Variants in MTREX observed in about 807,000 individuals in gnomAD.
MTREX encodes exosome RNA helicase MTR4.
Under a neutral mutation model 135.4 loss-of-function variants are expected in MTREX, and 76 were observed. The observed-to-expected ratio is 0.56, with a 90% confidence interval of 0.47 to 0.68. MTREX has a LOEUF of 0.68. Ranked by LOEUF, MTREX falls within the 30% of genes least tolerant of loss-of-function variation. MTREX has a pLI of 0.00. For missense variants in MTREX, 920 were observed against 1,262.1 expected, an observed-to-expected ratio of 0.73 and a Z score of 4.11; for synonymous variants, 404 against 401.6, an observed-to-expected ratio of 1.01 and a Z score of -0.07.
At chr5:55,330,933 G>A (rs1402696562) in intron 5 of MTREX, among the ~76,000 whole-genome samples, 1 of 151,410 alleles carries the variant, frequency 6.6e-6, no homozygotes, top group Non-Finnish European at 1.5e-5. Context: ...GTGACTTCAG[G>A]TTTATTCACT....
At chr5:55,354,648 C>A (rs1749880964) in intron 14 of MTREX, among the ~76,000 whole-genome samples, 1 of 114,690 alleles carries the variant, frequency 8.7e-6, no homozygotes, top group Admixed American at 9.9e-5. Flanking sequence ...TGGGCCAGAA[C>A]TTCTTGGGTC....
Position 55,340,016 on chromosome 5 carries a change from C to A in MTREX, c.522C>A (p.Ala174=). The change falls in exon 6 of 27, where the codon GCC becomes GCA. Residue 174 remains alanine, a synonymous_variant. Coordinates refer to ENST00000230640, the MANE Select transcript of MTREX (RefSeq NM_015360.5). ...TTTGTTTTCACATTTGTAGGTATGC[C>A]ATTGCATTGGCCTTAAGGGAAAAGC... ...SAGKTVCAEY[A]IALALREKQR... The A allele has an allele frequency of 6.6e-7, 1 of 1,515,988 alleles. No individual in the cohort carries two copies. The highest frequency in any genetic ancestry group is 8.8e-7 in the Non-Finnish European group (1 of 1,131,152). 93.9% of individuals were successfully genotyped at this position (1,515,988 alleles called of 1,614,324 possible).
Position 55,339,998 on chromosome 5 carries a change from T to TC in MTREX, c.516-11dup, listed in dbSNP as rs111348674. On this transcript the variant is annotated splice_polypyrimidine_tract_variant and intron_variant, in intron 5 of 26. Coordinates refer to ENST00000230640, the MANE Select transcript of MTREX (RefSeq NM_015360.5). Reference sequence around the variant, plus strand: ...GGAAAAGTTGTATGATTATTTGTTTTCACATTTGTAGGTATGCCATTGCAT... The same window carrying TC: ...GGAAAAGTTGTATGATTATTTGTTTTCCACATTTGTAGGTATGCCATTGCAT... 0.1 allele frequency: 147,632 copies of TC among 1,470,548 alleles called. 8,865 individuals carry two copies. The highest frequency in any genetic ancestry group is 0.25 in the East Asian group (10,138 of 39,764). 91.1% of individuals were successfully genotyped at this position (1,470,548 alleles called of 1,614,324 possible).
chr5:55,347,065 A>T lies in MTREX; in HGVS notation c.1161A>T (p.Gln387His). 2 of 1,610,454 alleles carry T rather than the reference A, an allele frequency of 1.2e-6. No homozygotes were observed. Among genetic ancestry groups the T allele is most frequent in the Non-Finnish European group, 1.7e-6 (2 of 1,178,722 alleles). Residue 387 changes from glutamine (Q) to histidine (H), a missense_variant, in exon 11 of 27, where the codon CAA becomes CAT. Gln to His is a conservative substitution (Grantham distance 24). Around this residue, in one of 6 missense-constraint regions of MTREX, gnomAD observed 101 missense variants for 119.1 expected, o/e 0.85. Coordinates refer to ENST00000230640, the MANE Select transcript of MTREX (RefSeq NM_015360.5). ...IVKMIMERNFQPVIIFSFSKK... is the reference protein window; with the variant it reads ...IVKMIMERNFHPVIIFSFSKK... ...AGATGATTATGGAAAGAAATTTCCA[A>T]CCTGTGATTATTTTCAGTTTTAGTA...
At chr5:55,349,765 G>T in intron 12 of MTREX, 113 bp downstream of exon 12, 2 of 628,338 alleles carry the variant, frequency 3.2e-6, no homozygotes, top group Non-Finnish European at 2.9e-6. Context: ...TGTAGCATAT[G>T]GGTTGTGATA....
chr5:55,422,250 T>C (rs1364432769), intron 25 of MTREX, among the ~76,000 whole-genome samples: 1 of 152,048 alleles, frequency 6.6e-6, no homozygotes, highest in Non-Finnish European at 1.5e-5. Context: ...TACAAACACT[T>C]TTCTCAAACA....
In MTREX at chr5:55,345,271, T is replaced by A. The variant is rs956096900; in HGVS notation, c.1108+75T>A. 3 of 972,444 alleles carry A rather than the reference T, an allele frequency of 3.1e-6. No homozygotes were observed. The Admixed American group carries it at 7.0e-5, about 23-fold the overall frequency. The allele number at this position is 972,444 out of a possible 1,614,324, so 60.2% of individuals were successfully genotyped here. A position where few individuals can be genotyped will look rare whatever the true frequency, so the allele number is the denominator to read the frequency against. On this transcript the variant is annotated intron_variant, in intron 10 of 26. Coordinates refer to ENST00000230640, the MANE Select transcript of MTREX (RefSeq NM_015360.5). ...CAGATTACTCTGATATTTTTTGTCT[T>A]AGTTTTTTTTTCTCAAGCTATGTAA...
intron 18 of MTREX, among the ~76,000 whole-genome samples, chr5:55,381,822 C>T (rs1348816042): frequency 6.6e-6 from 1 of 152,200 alleles, no homozygotes; most frequent in East Asian, 1.9e-4. Flanking sequence ...TCTGGTTGGT[C>T]TATCTATTAT....
chr5:55,352,781 A>C (rs1389199458), intron 13 of MTREX, among the ~76,000 whole-genome samples: 2 of 152,174 alleles, frequency 1.3e-5, no homozygotes, highest in Non-Finnish European at 2.9e-5. Context: ...GTCTTCCTTG[A>C]GAGATCTTCT....
At chr5:55,388,844 T>C (rs6880796) in intron 19 of MTREX, among the ~76,000 whole-genome samples, 21,337 of 152,194 alleles carry the variant, frequency 0.14, 1,887 homozygotes, top group East Asian at 0.26. Flanking sequence ...GTGCTTCTAA[T>C]TGAATGTAAA....
At chr5:55,413,198 G>A (rs528192890) in intron 23 of MTREX, among the ~76,000 whole-genome samples, 72 of 152,038 alleles carry the variant, frequency 4.7e-4, no homozygotes, top group African/African-American at 1.7e-3. Flanking sequence ...AATTAGCTGG[G>A]CGTGGTGGCA....
intron 15 of MTREX, among the ~76,000 whole-genome samples, chr5:55,366,449 G>T (rs1037380215): frequency 3.9e-5 from 6 of 152,032 alleles, no homozygotes; most frequent in Non-Finnish European, 8.8e-5. Flanking sequence ...GCCTTGCAGT[G>T]GGGGACCACA....
chr5:55,384,372 G>A (rs1158090234), intron 18 of MTREX, among the ~76,000 whole-genome samples: 1 of 152,054 alleles, frequency 6.6e-6, no homozygotes, highest in Non-Finnish European at 1.5e-5. Context: ...TGTACTTTCT[G>A]TTTCTTCATC....
chr5:55,313,307 G>T, intron 1 of MTREX, among the ~76,000 whole-genome samples: 1 of 151,764 alleles, frequency 6.6e-6, no homozygotes, highest in African/African-American at 2.4e-5. Flanking sequence ...GGGTCTTGTG[G>T]CATGCACCTG....
At chr5:55,396,028 T>A (rs1351155885) in intron 19 of MTREX, among the ~76,000 whole-genome samples, 2 of 152,194 alleles carry the variant, frequency 1.3e-5, no homozygotes, top group African/African-American at 4.8e-5. Flanking sequence ...TTTCCTCTTT[T>A]AATACTTGTA....
chr5:55,317,614 T>C (rs1418429543), intron 1 of MTREX, among the ~76,000 whole-genome samples: 1 of 152,246 alleles, frequency 6.6e-6, no homozygotes, highest in East Asian at 1.9e-4. Context: ...CTTTACACCA[T>C]GTAGAAAAAT....
At chr5:55,415,720 T>G (rs1036324942) in intron 24 of MTREX, among the ~76,000 whole-genome samples, 1 of 152,236 alleles carries the variant, frequency 6.6e-6, no homozygotes, top group Admixed American at 6.5e-5. Flanking sequence ...TGAAAAGGTA[T>G]CACTGGCTGA....
At chr5:55,330,187 C>T (rs2112042195) in intron 5 of MTREX, among the ~76,000 whole-genome samples, 1 of 151,958 alleles carries the variant, frequency 6.6e-6, no homozygotes, top group Non-Finnish European at 1.5e-5. Context: ...TCAAGCAGTC[C>T]AACTCAGCGT....
chr5:55,403,230 T>G (rs1437542017), intron 21 of MTREX, among the ~76,000 whole-genome samples: 1 of 151,724 alleles, frequency 6.6e-6, no homozygotes. Context: ...AAAAAAAAAG[T>G]GTACATGTGC....
Sources: gnomAD v4.1 joint callset for allele counts (sites outside exome capture counted in the v4.1 genomes callset) on GRCh38, gnomAD v4.1.1 for gene constraint, gnomAD v4.1.1 regional missense constraint, MANE v1.5 for transcripts, NCBI Gene and HGNC (gene_info 2026-07-23, HGNC 2026-07-21) for gene names.